SYNJ2: variants seen among roughly 807,000 people sequenced by gnomAD.
The protein encoded by SYNJ2 is synaptojanin 2.
Under a neutral mutation model 141.3 loss-of-function variants are expected in SYNJ2, and 116 were observed. The ratio of observed to expected loss-of-function variants is 0.82; its 90% CI spans 0.71 to 0.96. SYNJ2 has a LOEUF of 0.96. SYNJ2 is among the 40% of genes least tolerant of loss of function. The probability of loss-of-function intolerance (pLI) is 0.00; values close to 1 mark genes in which losing one functional copy is unlikely to be tolerated. For synonymous variants in SYNJ2, 745 were observed against 777.7 expected (o/e 0.96, Z 0.70); for missense variants, 1,873 against 1,934.8 (o/e 0.97, Z 0.60).
intron 1 of SYNJ2, among the ~76,000 whole-genome samples, chr6:158,016,005 G>A (rs138080030): frequency 1.5e-3 from 232 of 152,128 alleles, no homozygotes; most frequent in African/African-American, 5.3e-3. Context: ...AAGAAGCTTC[G>A]TACTCATTAG....
At chr6:158,060,831 C>A (rs150534026) in intron 7 of SYNJ2, among the ~76,000 whole-genome samples, 289 of 152,348 alleles carry the variant, frequency 1.9e-3, no homozygotes, top group African/African-American at 6.7e-3. Flanking sequence ...GAGATGGCAG[C>A]CACCTCATGC....
chr6:158,054,252 TCCATCCACCCACCTAC>T (rs1780743209), intron 5 of SYNJ2, among the ~76,000 whole-genome samples: 1 of 151,202 alleles, frequency 6.6e-6, no homozygotes. Flanking sequence ...CATTCATCCA[TCCATCCACCCACCTAC>T]CCATCCACCC....
chr6:158,028,909 T>C lies in SYNJ2; in HGVS notation c.368T>C (p.Ile123Thr). The C allele has an allele frequency of 6.2e-7, 1 of 1,614,056 alleles. No individual in the cohort carries two copies. Among genetic ancestry groups the C allele is most frequent in the Non-Finnish European group, 8.5e-7 (1 of 1,179,992 alleles). Residue 123 changes from isoleucine to threonine, a missense_variant, in exon 3 of 27, where the codon ATC becomes ACC. Physicochemically the swap from Ile to Thr is moderately conservative, Grantham distance 89. Coordinates refer to ENST00000355585, the MANE Select transcript of SYNJ2 (RefSeq NM_003898.4). ...GAACGCCTCATAGCTTTGAAGAAAA[T>C]CCTCAGCTCGGGGGTGTTCTATTTC... ...EEERLIALKK[I>T]LSSGVFYFSW...
chr6:158,001,391 C>CTTT (rs1008483496), intron 1 of SYNJ2: 4,839 of 109,904 alleles, frequency 0.044, 210 homozygotes, highest in South Asian at 0.13. Context: ...TGAGAACTTT[C>CTTT]TTTTTTTTTT....
intron 2 of SYNJ2, among the ~76,000 whole-genome samples, chr6:158,023,801 G>A (rs932006044): frequency 1.3e-5 from 2 of 152,170 alleles, no homozygotes; most frequent in Non-Finnish European, 2.9e-5. Context: ...TGCAAGTCAG[G>A]TGATGTCCAA....
intron 6 of SYNJ2, among the ~76,000 whole-genome samples, chr6:158,058,249 A>G (rs996926391): frequency 2.6e-5 from 4 of 152,236 alleles, no homozygotes; most frequent in African/African-American, 7.2e-5. Flanking sequence ...AGGCATAAAG[A>G]TTGCACCATT....
chr6:158,038,630 G>A (rs908812732), intron 4 of SYNJ2, among the ~76,000 whole-genome samples: 9 of 152,348 alleles, frequency 5.9e-5, no homozygotes, highest in Admixed American at 3.3e-4. Context: ...GGCTGTCCAC[G>A]TGGGCCTTCA....
rs1562369454 is a variant in SYNJ2 at position 158,061,982 on chromosome 6, C to T, written c.955-10C>T. The T allele has an allele frequency of 6.2e-7, 1 of 1,613,190 alleles. No individual in the cohort carries two copies. Among genetic ancestry groups the T allele is most frequent in the Non-Finnish European group, 8.5e-7 (1 of 1,179,610 alleles). On this transcript the variant is annotated splice_polypyrimidine_tract_variant and intron_variant, in intron 7 of 26. Transcript: ENST00000355585. ...CTGCTCCCCTCACCGCCCTCCCCTC[C>T]TCTTTTCAGAAGCTGCTCTGGGCTT... is the stretch of plus-strand genomic sequence containing the variant.
intron 16 of SYNJ2, 41 bp from the exon 17 acceptor site, chr6:158,076,585 G>A (rs750759431): frequency 1.1e-5 from 17 of 1,582,656 alleles, no homozygotes; most frequent in Middle Eastern, 1.7e-4. Context: ...ATTCAGGATC[G>A]AAAACTACGG....
chr6:158,078,199 G>T lies in SYNJ2; in HGVS notation c.2485G>T (p.Val829Phe). ...ELNLLDSDLDVDTKVRHTWSP... is the reference protein window; with the variant it reads ...ELNLLDSDLDFDTKVRHTWSP... ...CAACCTTCTAGACAGTGATCTAGAT[G>T]TTGACACCAAAGTCAGACACACCTG... Residue 829 changes from valine (V) to phenylalanine (F), a missense_variant, in exon 18 of 27, where the codon GTT becomes TTT. Val to Phe is a conservative substitution (Grantham distance 50). Coordinates refer to ENST00000355585, the MANE Select transcript of SYNJ2 (RefSeq NM_003898.4). The T allele has an allele frequency of 6.2e-7, 1 of 1,614,030 alleles. No homozygotes were observed. The highest frequency in any genetic ancestry group is 2.2e-5 in the East Asian group (1 of 44,884).
At chr6:158,048,784 C>T (rs890653013) in intron 5 of SYNJ2, among the ~76,000 whole-genome samples, 5 of 152,100 alleles carry the variant, frequency 3.3e-5, no homozygotes, top group Admixed American at 6.5e-5. Flanking sequence ...ATTCTCCCAT[C>T]GTGGCCACTT....
chr6:158,036,088 G>A (rs746375633), intron 4 of SYNJ2, among the ~76,000 whole-genome samples: 10 of 152,176 alleles, frequency 6.6e-5, no homozygotes, highest in Non-Finnish European at 1.5e-4. Context: ...TTAGAGAAAT[G>A]AGAATCAAAG....
intron 8 of SYNJ2, 107 bp from the exon 9 acceptor site, chr6:158,063,684 A>AAAAAAAAAAC (rs1781371762): frequency 1.5e-6 from 1 of 670,602 alleles, no homozygotes; most frequent in Admixed American, 2.9e-5. Flanking sequence ...AAAAAAAAAA[A>AAAAAAAAAAC]AAACCATGTT....
intron 1 of SYNJ2, among the ~76,000 whole-genome samples, chr6:158,004,930 C>G (rs73579615): frequency 0.019 from 2,855 of 152,126 alleles, 84 homozygotes; most frequent in African/African-American, 0.064. Context: ...GGACCTTCGC[C>G]CCCTCTCCTC....
chr6:158,075,699 C>A (rs116365701), intron 16 of SYNJ2, among the ~76,000 whole-genome samples: 1,556 of 151,998 alleles, frequency 0.01, 30 homozygotes, highest in African/African-American at 0.035. Context: ...AAGATTTGGA[C>A]GTTCTTCGAG....
At chr6:158,018,644 A>T (rs576617191) in intron 2 of SYNJ2, among the ~76,000 whole-genome samples, 1 of 152,364 alleles carries the variant, frequency 6.6e-6, no homozygotes, top group African/African-American at 2.4e-5. Flanking sequence ...CACAGTACCC[A>T]CATGACAAAG....
In SYNJ2 at chr6:158,058,790, A is replaced by G. The variant is rs1299675273; in HGVS notation, c.858-467A>G. ...AAAAATAAATAAGTAAAAATTAGCCAGATGTGGTGGCATGTACCTGTAGTC... is the reference window on the plus strand; with the variant it reads ...AAAAATAAATAAGTAAAAATTAGCCGGATGTGGTGGCATGTACCTGTAGTC... On this transcript the variant is annotated intron_variant, in intron 6 of 26. Coordinates refer to ENST00000355585, the MANE Select transcript of SYNJ2 (RefSeq NM_003898.4). 2.0e-5 allele frequency among the ~76,000 whole-genome samples: 3 copies of G among 152,330 alleles called. No individual in the cohort carries two copies. In the East Asian group the frequency reaches 5.8e-4, roughly 29 times the overall value.
rs1474570510 is a variant in SYNJ2 at position 157,982,608 on chromosome 6, T to C, written c.127+520T>C. Among the ~76,000 whole-genome samples, 1 of 152,208 alleles carries C rather than the reference T, an allele frequency of 6.6e-6. No individual in the cohort carries two copies. Among genetic ancestry groups the C allele is most frequent in the East Asian group, 1.9e-4 (1 of 5,196 alleles). ...CGAGAAGCATCGGTGCTGCAATTTA[T>C]AGAACTTGTAAACAAATATACCATG... is the stretch of plus-strand genomic sequence containing the variant. On this transcript the variant is annotated intron_variant, in intron 1 of 26. Coordinates refer to ENST00000355585, the MANE Select transcript of SYNJ2 (RefSeq NM_003898.4). The surrounding 1 kb of genome is among the most constrained non-coding windows in gnomAD (Gnocchi z 4.0).
At chr6:158,052,483 T>C (rs1780626061) in intron 5 of SYNJ2, among the ~76,000 whole-genome samples, 1 of 152,186 alleles carries the variant, frequency 6.6e-6, no homozygotes, top group South Asian at 2.1e-4. Flanking sequence ...ACAGGAAGCA[T>C]GGTGCCAGCA....
Sources: gnomAD v4.1 joint callset for allele counts (sites outside exome capture counted in the v4.1 genomes callset) on GRCh38, gnomAD v4.1.1 for gene constraint, Gnocchi (gnomAD v3.1) non-coding constraint, MANE v1.5 for transcripts, NCBI Gene and HGNC (gene_info 2026-07-23, HGNC 2026-07-21) for gene names.